Variants in AARS1 observed in about 807,000 individuals in gnomAD.
The protein encoded by AARS1 is alanyl-tRNA synthetase 1, also known as alanine--tRNA ligase, cytoplasmic.
In AARS1, 72 loss-of-function variants were observed where a neutral mutation model predicts 108.9. The observed-to-expected ratio is 0.66, with a 90% confidence interval of 0.55 to 0.80. AARS1 has a LOEUF of 0.80. Ranked by LOEUF, AARS1 falls within the 30% of genes least tolerant of loss-of-function variation. The pLI, the probability that AARS1 is intolerant of heterozygous loss-of-function variation, is 0.00. For missense variants in AARS1, 1,193 were observed against 1,233.2 expected, an observed-to-expected ratio of 0.97 and a Z score of 0.49; for synonymous variants, 489 against 465.7, an observed-to-expected ratio of 1.05 and a Z score of -0.64.
intron 1 of AARS1, among the ~76,000 whole-genome samples, chr16:70,287,690 C>A (rs1196663974): frequency 2.0e-5 from 3 of 151,998 alleles, no homozygotes; most frequent in African/African-American, 7.2e-5. Context: ...CTGCAGTGAG[C>A]TATGGTCACA....
intron 11 of AARS1, 36 bp from the exon 12 acceptor site, chr16:70,262,560 G>T: frequency 1.3e-6 from 2 of 1,581,832 alleles, no homozygotes; most frequent in Admixed American, 1.7e-5. Context: ...GGGACAGTGG[G>T]GTCAATGACC....
At chr16:70,268,165 C>G in intron 8 of AARS1, 106 bp downstream of exon 8, 1 of 1,089,074 alleles carries the variant, frequency 9.2e-7, no homozygotes, top group South Asian at 1.3e-5. Flanking sequence ...GAGACTCCGT[C>G]TCAAAAAACA....
At position 70,254,043 on chromosome 16, in the gene AARS1, A is replaced by T; in HGVS notation, c.2401-5T>A. On this transcript the variant is annotated splice_polypyrimidine_tract_variant and splice_region_variant and intron_variant, in intron 17 of 20. Transcript: ENST00000261772. ...GATGACTGCAGTGGCCAGGGCCTGG[A>T]ACCAATAGACGACCATCTCAATCTG... 1 of 1,613,932 alleles carries T rather than the reference A, an allele frequency of 6.2e-7. No homozygotes were observed. Among genetic ancestry groups the T allele is most frequent in the Non-Finnish European group, 8.5e-7 (1 of 1,180,030 alleles).
Position 70,289,487 on chromosome 16 carries a change from T to C in AARS1, c.-88A>G, listed in dbSNP as rs1960984513. The C allele has an allele frequency of 2.3e-6, 1 of 442,182 alleles. No homozygotes were observed. Among genetic ancestry groups the C allele is most frequent in the African/African-American group, 2.0e-5 (1 of 49,650 alleles). 27.4% of individuals were successfully genotyped at this position (442,182 alleles called of 1,614,324 possible). A position where few individuals can be genotyped will look rare whatever the true frequency, so the allele number is the denominator to read the frequency against. ...CCCGCCAAGGGCCCGCTGCACCTAT[T>C]CCCGCAGACGCGCAGCTGTACCGGC... is the stretch of plus-strand genomic sequence containing the variant. On this transcript the variant is annotated 5_prime_UTR_variant, in exon 1 of 21. Coordinates refer to ENST00000261772, the MANE Select transcript of AARS1 (RefSeq NM_001605.3).
Position 70,262,445 on chromosome 16 carries a change from C to A in AARS1, c.1572G>T (p.Glu524Asp). 1.2e-6 allele frequency: 2 copies of A among 1,614,216 alleles called. No homozygotes were observed. The highest frequency in any genetic ancestry group is 1.7e-6 in the Non-Finnish European group (2 of 1,180,038). The part of the protein sequence containing the change: ...MFVEEVSTGQ[E>D]CGVVLDKTCF... ...AGGTCTTGTCCAGCACCACTCCACA[C>A]TCCTGGCCTGTGGACACCTCTTCCA... is the stretch of plus-strand genomic sequence containing the variant. Residue 524 changes from glutamate to aspartate, a missense_variant, in exon 12 of 21, where the codon GAG becomes GAT. Physicochemically the swap from Glu to Asp is conservative, Grantham distance 45. Coordinates refer to ENST00000261772, the MANE Select transcript of AARS1 (RefSeq NM_001605.3).
intron 19 of AARS1, 67 bp downstream of exon 19, chr16:70,253,647 G>C (rs751658186): frequency 6.5e-7 from 1 of 1,549,968 alleles, no homozygotes; most frequent in East Asian, 2.2e-5. Flanking sequence ...CAGAGCCACA[G>C]AGGCCACATG....
intron 9 of AARS1, 132 bp from the exon 10 acceptor site, chr16:70,265,794 A>ATCTTTT (rs1258275161): frequency 1.1e-6 from 1 of 889,386 alleles, no homozygotes; most frequent in Admixed American, 2.4e-5. Flanking sequence ...CTGTGTGCCC[A>ATCTTTT]TCAGAAAATC....
intron 16 of AARS1, 76 bp downstream of exon 16, chr16:70,255,652 G>T: frequency 1.5e-6 from 2 of 1,315,234 alleles, no homozygotes; most frequent in Non-Finnish European, 2.2e-6. Context: ...GCAGAGCAGT[G>T]TTTGCTCTAT....
chr16:70,263,972 G>T (rs941212366), intron 11 of AARS1, among the ~76,000 whole-genome samples: 1 of 152,082 alleles, frequency 6.6e-6, no homozygotes, highest in Non-Finnish European at 1.5e-5. Flanking sequence ...ATCCGGTCGG[G>T]CGAGATGGCT....
intron 14 of AARS1, among the ~76,000 whole-genome samples, chr16:70,258,432 A>G (rs527876704): frequency 9.2e-5 from 14 of 152,154 alleles, no homozygotes; most frequent in Non-Finnish European, 1.9e-4. Flanking sequence ...ACCAAATCTC[A>G]TATGTGAACA....
At position 70,270,206 on chromosome 16, in the gene AARS1, G is replaced by A; in HGVS notation, c.806C>T (p.Ala269Val). ...DTDLFVPYFE[A>V]IQKGTGARPY... ...CAATAGCACCAGTACCTTCTGAATGGCTTCAAAGTAAGGGACAAAAAGGTC... is the reference window on the plus strand; with the variant it reads ...CAATAGCACCAGTACCTTCTGAATGACTTCAAAGTAAGGGACAAAAAGGTC... Residue 269 changes from alanine to valine, a missense_variant, in exon 6 of 21, where the codon GCC becomes GTC. Physicochemically the swap from Ala to Val is moderately conservative, Grantham distance 64 (BLOSUM62 0). Transcript: ENST00000261772. 1 of 1,614,114 alleles carries A rather than the reference G, an allele frequency of 6.2e-7. No homozygotes were observed. The highest frequency in any genetic ancestry group is 8.5e-7 in the Non-Finnish European group (1 of 1,180,024).
intron 8 of AARS1, 40 bp downstream of exon 8, chr16:70,268,231 C>A (rs1414046986): frequency 1.9e-6 from 3 of 1,579,866 alleles, no homozygotes; most frequent in Non-Finnish European, 2.6e-6. Flanking sequence ...TCTTAACGGA[C>A]TGCTTTAGCA....
intron 12 of AARS1, 87 bp downstream of exon 12, chr16:70,262,259 C>T: frequency 6.5e-7 from 1 of 1,531,368 alleles, no homozygotes; most frequent in African/African-American, 1.4e-5. Flanking sequence ...GGTCTGCTCC[C>T]AAGGCCTGGA....
rs1461803777 is a variant in AARS1 at position 70,272,118 on chromosome 16, T to C, written c.480-146A>G. ...TCCAGCCTAGACAACAGAGCGAGACTCTGTCTCAAAAAAGAAAAAAAAAAA... is the reference window on the plus strand; with the variant it reads ...TCCAGCCTAGACAACAGAGCGAGACCCTGTCTCAAAAAAGAAAAAAAAAAA... On this transcript the variant is annotated intron_variant, in intron 4 of 20. Coordinates refer to ENST00000261772, the MANE Select transcript of AARS1 (RefSeq NM_001605.3). 1.1e-5 allele frequency: 8 copies of C among 716,074 alleles called. No homozygotes were observed. The East Asian group carries it at 2.1e-4, about 19-fold the overall frequency. The allele number at this position is 716,074 out of a possible 1,614,324, so 44.4% of individuals were successfully genotyped here. A position where few individuals can be genotyped will look rare whatever the true frequency, so the allele number is the denominator to read the frequency against.
At chr16:70,272,487 CGAG>C (rs1960431522) in intron 4 of AARS1, among the ~76,000 whole-genome samples, 1 of 103,932 alleles carries the variant, frequency 9.6e-6, no homozygotes, top group Non-Finnish European at 1.7e-5. Flanking sequence ...GCCTGGGCAA[CGAG>C]AGCAAAACTC....
intron 1 of AARS1, among the ~76,000 whole-genome samples, chr16:70,287,254 C>CAAAAAAAAAAAAAA (rs71151181): frequency 5.1e-5 from 2 of 39,432 alleles, no homozygotes; most frequent in African/African-American, 1.9e-4. Flanking sequence ...GACTCCGTCT[C>CAAAAAAAAAAAAAA]AAAAAAAAAA....
At position 70,255,835 on chromosome 16, in the gene AARS1, G is replaced by A; in HGVS notation, c.2179C>T (p.His727Tyr). 6.2e-7 allele frequency: 1 copy of A among 1,612,544 alleles called. No homozygotes were observed. The highest frequency in any genetic ancestry group is 1.3e-5 in the African/African-American group (1 of 75,034). The change falls in exon 16 of 21, where the codon CAC (histidine) becomes TAC (tyrosine). Residue 727 changes from histidine to tyrosine, a missense_variant and splice_region_variant. Physicochemically the swap from His to Tyr is moderately conservative, Grantham distance 83. Coordinates refer to ENST00000261772, the MANE Select transcript of AARS1 (RefSeq NM_001605.3). Reference protein sequence around the residue: ...LTSVEFCGGTHLRNSSHAGAF... With the variant: ...LTSVEFCGGTYLRNSSHAGAF... ...CCTGCATGACTCGAGTTCCGCAGGTGCCTGAATGGCAGAACACAAAGTCCA... is the reference window on the plus strand; with the variant it reads ...CCTGCATGACTCGAGTTCCGCAGGTACCTGAATGGCAGAACACAAAGTCCA...
At chr16:70,255,601 A>T in intron 16 of AARS1, 127 bp downstream of exon 16, 2 of 801,282 alleles carry the variant, frequency 2.5e-6, no homozygotes, top group Non-Finnish European at 4.2e-6. Flanking sequence ...GGGCAGGGGG[A>T]GTGGCCCAGC....
At position 70,275,125 on chromosome 16, in the gene AARS1, TG is replaced by T. The variant is rs112778140; in HGVS notation, c.479+1360del. Among the ~76,000 whole-genome samples, 547 of 151,726 alleles carry T rather than the reference TG, an allele frequency of 3.6e-3. 1 individual carries two copies. The highest frequency in any genetic ancestry group is 0.012 in the African/African-American group (489 of 41,378). On this transcript the variant is annotated intron_variant, in intron 4 of 20. Transcript: ENST00000261772. ...AAATACAAAAATTAGCCAGGTGTGG[TG>T]GCGCGCACCTGTAGTCCCAGCTACT...
Sources: allele counts gnomAD v4.1 joint callset (sites outside exome capture counted in the v4.1 genomes callset), GRCh38; gene constraint gnomAD v4.1.1; transcripts MANE v1.5; gene names NCBI Gene and HGNC (gene_info 2026-07-23, HGNC 2026-07-21).